The following AGBL1 variants were observed in gnomAD, a reference collection of about 807,000 sequenced individuals.
AGBL1 encodes the protein AGBL carboxypeptidase 1.
AGBL1 carries 130 observed loss-of-function variants against 118.9 expected under a neutral mutation model. That is an observed-to-expected ratio of 1.09 (90% CI 0.95 to 1.26). AGBL1 has a LOEUF of 1.26. Among genes scored for constraint, AGBL1 ranks in the 50% most tolerant of loss-of-function variants. AGBL1 has a pLI of 0.00. For synonymous variants in AGBL1, 555 were observed against 478.9 expected (o/e 1.16, Z -2.08); for missense variants, 1,584 against 1,298.1 (o/e 1.22, Z -3.38).
At chr15:86,131,313 G>A (rs569783349) in intron 1 of AGBL1, among the ~76,000 whole-genome samples, 74 of 152,160 alleles carry the variant, frequency 4.9e-4, no homozygotes, top group African/African-American at 1.7e-3. Context: ...TAGTTGACAT[G>A]GATACCATCT....
At chr15:86,620,302 T>C (rs1414995068) in intron 21 of AGBL1, among the ~76,000 whole-genome samples, 1 of 152,226 alleles carries the variant, frequency 6.6e-6, no homozygotes, top group East Asian at 1.9e-4. Flanking sequence ...TATAGCACCT[T>C]TCCTCAAAGG....
At chr15:86,772,976 G>A (rs1025864326) in intron 22 of AGBL1, among the ~76,000 whole-genome samples, 6 of 151,966 alleles carry the variant, frequency 3.9e-5, no homozygotes, top group African/African-American at 7.2e-5. Flanking sequence ...AACCCTTAAC[G>A]TGCAAAACTG....
chr15:86,658,930 T>C (rs1163230640), intron 21 of AGBL1, among the ~76,000 whole-genome samples: 1 of 152,202 alleles, frequency 6.6e-6, no homozygotes, highest in East Asian at 1.9e-4. Flanking sequence ...CCAAGCATCA[T>C]GCAGATTCAG....
chr15:86,184,742 A>C (rs2077605132), intron 5 of AGBL1, among the ~76,000 whole-genome samples: 1 of 152,192 alleles, frequency 6.6e-6, no homozygotes, highest in Non-Finnish European at 1.5e-5. Context: ...TGCCATCCTC[A>C]TCAAGCTACC....
intron 22 of AGBL1, among the ~76,000 whole-genome samples, chr15:86,787,164 A>G (rs1418911596): frequency 6.6e-6 from 1 of 152,132 alleles, no homozygotes; most frequent in South Asian, 2.1e-4. Flanking sequence ...ATATATATAT[A>G]CTGAAATGAT....
At chr15:87,006,912 G>C (rs538136697) in intron 24 of AGBL1, among the ~76,000 whole-genome samples, 1 of 152,260 alleles carries the variant, frequency 6.6e-6, no homozygotes, top group South Asian at 2.1e-4. Context: ...TGTTTCATGG[G>C]TGAGGAGTGA....
intron 18 of AGBL1, among the ~76,000 whole-genome samples, chr15:86,497,716 A>C (rs749291070): frequency 6.6e-6 from 1 of 151,866 alleles, no homozygotes; most frequent in Non-Finnish European, 1.5e-5. Flanking sequence ...CCTAATGCAG[A>C]CTTTCAAACA....
intron 22 of AGBL1, among the ~76,000 whole-genome samples, chr15:86,716,510 G>A (rs1258019532): frequency 6.6e-6 from 1 of 152,118 alleles, no homozygotes; most frequent in Non-Finnish European, 1.5e-5. Flanking sequence ...AATTTCTACA[G>A]CTTGGAAGAT....
intron 17 of AGBL1, among the ~76,000 whole-genome samples, chr15:86,312,982 G>A (rs577500019): frequency 2.6e-5 from 4 of 152,350 alleles, no homozygotes; most frequent in South Asian, 4.1e-4. Context: ...TTTATGCGTC[G>A]TTGTAAATAA....
intron 17 of AGBL1, among the ~76,000 whole-genome samples, chr15:86,335,971 CA>C (rs1411028764): frequency 6.6e-6 from 1 of 152,180 alleles, no homozygotes; most frequent in Non-Finnish European, 1.5e-5. Context: ...CCCTCTCGCA[CA>C]GTGATTTTTA....
At chr15:87,026,680 TGC>T (rs1248544677) in intron 24 of AGBL1, among the ~76,000 whole-genome samples, 1 of 151,004 alleles carries the variant, frequency 6.6e-6, no homozygotes, top group African/African-American at 2.5e-5. Context: ...AAAAGATACT[TGC>T]ACACACATGT....
chr15:86,871,017 T>C (rs1172762019), intron 22 of AGBL1, among the ~76,000 whole-genome samples: 2 of 152,218 alleles, frequency 1.3e-5, no homozygotes, highest in South Asian at 2.1e-4. Flanking sequence ...GTAACTCTTA[T>C]CTGTCGCTCA....
chr15:86,650,672 A>G (rs184052814), intron 21 of AGBL1, among the ~76,000 whole-genome samples: 3 of 152,330 alleles, frequency 2.0e-5, no homozygotes, highest in Admixed American at 2.0e-4. Context: ...TTTAAAAACT[A>G]TAGGGCAAGA....
chr15:86,648,921 A>C (rs184257032), intron 21 of AGBL1, among the ~76,000 whole-genome samples: 3 of 152,340 alleles, frequency 2.0e-5, no homozygotes, highest in Admixed American at 2.0e-4. Context: ...TGGGTGTGAG[A>C]TTATAAAAGA....
intron 17 of AGBL1, among the ~76,000 whole-genome samples, chr15:86,393,670 A>G (rs1334444323): frequency 6.6e-6 from 1 of 152,168 alleles, no homozygotes; most frequent in Non-Finnish European, 1.5e-5. Flanking sequence ...CTAACTGTAC[A>G]TCTCCTTCTT....
At chr15:86,462,723 T>C (rs528636842) in intron 18 of AGBL1, among the ~76,000 whole-genome samples, 18 of 152,302 alleles carry the variant, frequency 1.2e-4, no homozygotes, top group Admixed American at 4.6e-4. Flanking sequence ...CTGAGAATGA[T>C]GGTTTCCAGC....
intron 21 of AGBL1, among the ~76,000 whole-genome samples, chr15:86,620,247 A>G (rs2084784986): frequency 6.6e-6 from 1 of 152,072 alleles, no homozygotes; most frequent in Non-Finnish European, 1.5e-5. Flanking sequence ...GGATGTGTTT[A>G]TTTTCTAGCA....
intron 22 of AGBL1, among the ~76,000 whole-genome samples, chr15:86,768,425 A>T (rs1455473193): frequency 6.6e-6 from 1 of 152,056 alleles, no homozygotes; most frequent in African/African-American, 2.4e-5. Context: ...ACCTTATCTT[A>T]TACCACCTTC....
intron 22 of AGBL1, among the ~76,000 whole-genome samples, chr15:86,834,535 C>A (rs774775095): frequency 6.6e-6 from 1 of 152,128 alleles, no homozygotes; most frequent in Non-Finnish European, 1.5e-5. Context: ...AATAGAAGTA[C>A]CTCTGTATTG....
Sources: gnomAD v4.1 joint callset for allele counts (sites outside exome capture counted in the v4.1 genomes callset) on GRCh38, gnomAD v4.1.1 for gene constraint, MANE v1.5 for transcripts, NCBI Gene and HGNC (gene_info 2026-07-23, HGNC 2026-07-21) for gene names.